ZFPM2: variants seen among roughly 807,000 people sequenced by gnomAD.
The protein encoded by ZFPM2 is zinc finger protein ZFPM2.
ZFPM2 carries 20 observed loss-of-function variants against 98.6 expected under a neutral mutation model. The ratio of observed to expected loss-of-function variants is 0.20; its 90% CI spans 0.14 to 0.29. The LOEUF (loss-of-function observed/expected upper bound fraction) is 0.29. Ranked by LOEUF, ZFPM2 falls within the 10% of genes least tolerant of loss-of-function variation. ZFPM2 has a pLI of 1.00. For synonymous variants in ZFPM2, 518 were observed against 502.7 expected, an observed-to-expected ratio of 1.03 and a Z score of -0.41; for missense variants, 1,310 against 1,388.6, an observed-to-expected ratio of 0.94 and a Z score of 0.90.
chr8:105,477,059 T>C (rs1813026443), intron 3 of ZFPM2, among the ~76,000 whole-genome samples: 2 of 152,268 alleles, frequency 1.3e-5, no homozygotes, highest in African/African-American at 2.4e-5. Flanking sequence ...GAAATGTTTA[T>C]AGTAATAAAA....
At chr8:105,650,855 G>A (rs1458665063) in intron 5 of ZFPM2, among the ~76,000 whole-genome samples, 1 of 152,164 alleles carries the variant, frequency 6.6e-6, no homozygotes. Context: ...TTGATTTGCG[G>A]TGGAGAGTTC....
chr8:105,333,214 T>C (rs1443592581), intron 1 of ZFPM2, among the ~76,000 whole-genome samples: 1 of 151,770 alleles, frequency 6.6e-6, no homozygotes, highest in Non-Finnish European at 1.5e-5. Flanking sequence ...CCTTAGACCT[T>C]CTGTGCTACC....
intron 1 of ZFPM2, among the ~76,000 whole-genome samples, chr8:105,328,818 A>G (rs774586477): frequency 4.0e-5 from 6 of 151,850 alleles, no homozygotes; most frequent in Non-Finnish European, 7.4e-5. Context: ...AAAAATAACC[A>G]GATTTTCCAA....
chr8:105,439,999 G>A (rs1751790078), intron 2 of ZFPM2, among the ~76,000 whole-genome samples: 1 of 152,118 alleles, frequency 6.6e-6, no homozygotes, highest in Admixed American at 6.5e-5. Context: ...TATCCCTAGT[G>A]GCACTCAAGA....
chr8:105,667,464 A>G (rs992800345), intron 5 of ZFPM2, among the ~76,000 whole-genome samples: 1 of 152,218 alleles, frequency 6.6e-6, no homozygotes, highest in African/African-American at 2.4e-5. Flanking sequence ...AATAGATTTA[A>G]AAATAACAAA....
intron 5 of ZFPM2, among the ~76,000 whole-genome samples, chr8:105,644,669 A>G (rs530626245): frequency 2.0e-5 from 3 of 152,116 alleles, no homozygotes; most frequent in Non-Finnish European, 2.9e-5. Context: ...TTTATTTCTC[A>G]TGATTCCGGA....
At chr8:105,747,144 A>G (rs2131044772) in intron 5 of ZFPM2, among the ~76,000 whole-genome samples, 1 of 152,240 alleles carries the variant, frequency 6.6e-6, no homozygotes, top group Non-Finnish European at 1.5e-5. Context: ...ACTTCTTGTT[A>G]TCATCTTTAT....
intron 2 of ZFPM2, among the ~76,000 whole-genome samples, chr8:105,441,647 C>T (rs1812254055): frequency 6.6e-6 from 1 of 151,906 alleles, no homozygotes; most frequent in Non-Finnish European, 1.5e-5. Flanking sequence ...GGGTTCTCCA[C>T]CACAGCTAAC....
intron 3 of ZFPM2, among the ~76,000 whole-genome samples, chr8:105,499,547 G>C (rs950956345): frequency 1.3e-5 from 2 of 152,180 alleles, no homozygotes; most frequent in African/African-American, 4.8e-5. Context: ...GAACGTGAAG[G>C]AGGAAATTCT....
intron 4 of ZFPM2, among the ~76,000 whole-genome samples, chr8:105,562,930 A>C (rs747734184): frequency 6.6e-6 from 1 of 152,222 alleles, no homozygotes; most frequent in African/African-American, 2.4e-5. Context: ...TAAAAGAAAA[A>C]CAATAGCTGA....
intron 5 of ZFPM2, among the ~76,000 whole-genome samples, chr8:105,640,838 T>C (rs1397201649): frequency 6.6e-6 from 1 of 152,022 alleles, no homozygotes; most frequent in Non-Finnish European, 1.5e-5. Flanking sequence ...GTATAAATAA[T>C]AAACTAATTT....
At chr8:105,471,909 C>T (rs1317846465) in intron 3 of ZFPM2, among the ~76,000 whole-genome samples, 5 of 152,136 alleles carry the variant, frequency 3.3e-5, no homozygotes, top group African/African-American at 4.8e-5. Flanking sequence ...CAGGGTTTGA[C>T]CTTCTCACAG....
intron 4 of ZFPM2, among the ~76,000 whole-genome samples, chr8:105,603,333 C>T (rs1312736775): frequency 1.3e-5 from 2 of 152,060 alleles, no homozygotes; most frequent in Non-Finnish European, 1.5e-5. Context: ...TGCAAATATA[C>T]ATAATATACT....
chr8:105,789,697 C>A lies in ZFPM2; in HGVS notation c.739+773C>A, dbSNP rs1201537078. On this transcript the variant is annotated intron_variant, in intron 6 of 7. Coordinates refer to ENST00000407775, the MANE Select transcript of ZFPM2 (RefSeq NM_012082.4). ...AATGGTTGAACTAGTTTACAGTCCC[C>A]CCAACAGTGTAAAAGTGTTCCTATT... 3.3e-3 allele frequency among the ~76,000 whole-genome samples: 498 copies of A among 152,110 alleles called. 2 individuals carry two copies. Among genetic ancestry groups the A allele is most frequent in the African/African-American group, 8.6e-3 (355 of 41,478 alleles).
At chr8:105,587,043 G>A (rs1409137503) in intron 4 of ZFPM2, among the ~76,000 whole-genome samples, 1 of 151,432 alleles carries the variant, frequency 6.6e-6, no homozygotes, top group Non-Finnish European at 1.5e-5. Flanking sequence ...TTGGGAGGCC[G>A]AGGCTGGTGG....
At chr8:105,742,914 G>A (rs1265671289) in intron 5 of ZFPM2, among the ~76,000 whole-genome samples, 4 of 152,068 alleles carry the variant, frequency 2.6e-5, no homozygotes, top group Non-Finnish European at 5.9e-5. Flanking sequence ...CCATATGGGT[G>A]TGATGAATTT....
At chr8:105,338,595 T>C (rs139558293) in intron 1 of ZFPM2, among the ~76,000 whole-genome samples, 4 of 152,002 alleles carry the variant, frequency 2.6e-5, no homozygotes, top group Non-Finnish European at 4.4e-5. Context: ...TGAACAAATA[T>C]CTGTCCACAG....
chr8:105,399,282 TG>T (rs1487723196), intron 1 of ZFPM2, among the ~76,000 whole-genome samples: 1 of 152,160 alleles, frequency 6.6e-6, no homozygotes, highest in Non-Finnish European at 1.5e-5. Context: ...GTGGCTGGAA[TG>T]GGTTCCTGCA....
chr8:105,551,750 A>T (rs1005633196), intron 3 of ZFPM2, among the ~76,000 whole-genome samples: 1 of 152,136 alleles, frequency 6.6e-6, no homozygotes, highest in African/African-American at 2.4e-5. Context: ...AACTCATTCT[A>T]ATCACAACTG....
Sources: gnomAD v4.1 joint callset for allele counts (sites outside exome capture counted in the v4.1 genomes callset) on GRCh38, gnomAD v4.1.1 for gene constraint, MANE v1.5 for transcripts, NCBI Gene and HGNC (gene_info 2026-07-23, HGNC 2026-07-21) for gene names.